Variants in EPC2 observed in about 807,000 individuals in gnomAD.
The protein encoded by EPC2 is enhancer of polycomb homolog 2.
In EPC2, 14 loss-of-function variants were observed where a neutral mutation model predicts 92.1. The ratio of observed to expected loss-of-function variants is 0.15; its 90% CI spans 0.10 to 0.24. The LOEUF (loss-of-function observed/expected upper bound fraction) is 0.24, where lower values mean the gene tolerates loss of function less well. Ranked by LOEUF, EPC2 falls within the 10% of genes least tolerant of loss-of-function variation. The pLI, the probability that EPC2 is intolerant of heterozygous loss-of-function variation, is 1.00. For missense variants in EPC2, 755 were observed against 971.5 expected, an observed-to-expected ratio of 0.78 and a Z score of 2.96; for synonymous variants, 340 against 334.7, an observed-to-expected ratio of 1.02 and a Z score of -0.17.
intron 7 of EPC2, among the ~76,000 whole-genome samples, chr2:148,766,552 T>G (rs13014589): frequency 0.18 from 27,783 of 152,146 alleles, 3,272 homozygotes; most frequent in East Asian, 0.49. Context: ...CAGATGACCA[T>G]TTTGAAGGAA....
chr2:148,785,068 T>C (rs1315586629), intron 13 of EPC2, 67 bp downstream of exon 13: 16 of 1,321,908 alleles, frequency 1.2e-5, no homozygotes, highest in Non-Finnish European at 1.6e-5. Flanking sequence ...GAAAAAGACT[T>C]TTTTTTACAC....
At chr2:148,714,244 G>A (rs539666546) in intron 2 of EPC2, among the ~76,000 whole-genome samples, 5 of 152,054 alleles carry the variant, frequency 3.3e-5, no homozygotes, top group East Asian at 1.9e-4. Flanking sequence ...GCATGATCTC[G>A]TTCCTTTTTT....
At chr2:148,681,702 G>A (rs1489448432) in intron 1 of EPC2, among the ~76,000 whole-genome samples, 2 of 149,742 alleles carry the variant, frequency 1.3e-5, no homozygotes, top group Non-Finnish European at 2.9e-5. Context: ...GGTTAGGTTT[G>A]TTTGTTTGTT....
chr2:148,705,809 A>T (rs1396005279), intron 2 of EPC2, among the ~76,000 whole-genome samples: 1 of 152,202 alleles, frequency 6.6e-6, no homozygotes, highest in African/African-American at 2.4e-5. Flanking sequence ...ATCAACATCA[A>T]CCAAAAGGAC....
intron 10 of EPC2, among the ~76,000 whole-genome samples, chr2:148,776,343 A>G (rs1172525768): frequency 2.6e-5 from 4 of 152,176 alleles, no homozygotes; most frequent in Non-Finnish European, 5.9e-5. Context: ...TCAATTGTAA[A>G]TATTTGGCTT....
intron 2 of EPC2, among the ~76,000 whole-genome samples, chr2:148,738,544 T>C (rs998964826): frequency 3.9e-5 from 6 of 152,348 alleles, no homozygotes; most frequent in African/African-American, 1.4e-4. Flanking sequence ...AGGGTACTTA[T>C]GCTATATGTG....
intron 1 of EPC2, among the ~76,000 whole-genome samples, chr2:148,652,031 T>C (rs1680697367): frequency 6.6e-6 from 1 of 152,206 alleles, no homozygotes; most frequent in East Asian, 1.9e-4. Context: ...TAAGGTCCTT[T>C]ATAGCTTTAC....
intron 3 of EPC2, among the ~76,000 whole-genome samples, chr2:148,752,484 T>C (rs546770849): frequency 1.2e-4 from 18 of 152,296 alleles, no homozygotes; most frequent in Non-Finnish European, 1.6e-4. Context: ...CTGGTTCTTA[T>C]GGTGTGGTCT....
intron 1 of EPC2, among the ~76,000 whole-genome samples, chr2:148,689,172 T>C (rs1681591099): frequency 6.6e-6 from 1 of 151,900 alleles, no homozygotes; most frequent in Admixed American, 6.6e-5. Context: ...TTGTAGGTCA[T>C]TGAGTGAAAT....
chr2:148,762,762 A>T lies in EPC2; in HGVS notation c.908A>T (p.His303Leu). Residue 303 changes from histidine to leucine, a missense_variant, in exon 6 of 14, where the codon CAT becomes CTT. Transcript: ENST00000258484. ...TTATATGCCACTCCAGCAACTCTTCATAATGGAAATCATCACAAAGTTCAA... is the reference window on the plus strand; with the variant it reads ...TTATATGCCACTCCAGCAACTCTTCTTAATGGAAATCATCACAAAGTTCAA... ...KELYATPATLHNGNHHKVQEC... is the reference protein window; with the variant it reads ...KELYATPATLLNGNHHKVQEC... 6.2e-7 allele frequency: 1 copy of T among 1,610,084 alleles called. No homozygotes were observed. Among genetic ancestry groups the T allele is most frequent in the East Asian group, 2.2e-5 (1 of 44,690 alleles).
chr2:148,661,575 G>C (rs1680935332), intron 1 of EPC2, among the ~76,000 whole-genome samples: 1 of 151,998 alleles, frequency 6.6e-6, no homozygotes, highest in Admixed American at 6.6e-5. Flanking sequence ...GGGCATTTTT[G>C]TTTTGTTTCT....
rs1424248823 is a variant in EPC2 at position 148,765,001 on chromosome 2, G to A, written c.995G>A (p.Arg332His). Residue 332 changes from arginine (R) to histidine (H), a missense_variant, in exon 7 of 14, where the codon CGT (arginine) becomes CAT (histidine). By Grantham distance (29) the Arg-to-His change is conservative. Transcript: ENST00000258484. The stretch of plus-strand genomic sequence containing the variant: ...AAAGAAGAGGCTTCTGATGTGGTTC[G>A]TCAAAAGAAGAAGTACCCAAAGAAG... ...SLKEEASDVVRQKKKYPKKPK... is the reference protein window; with the variant it reads ...SLKEEASDVVHQKKKYPKKPK... The A allele has an allele frequency of 9.4e-6, 15 of 1,601,872 alleles. No individual in the cohort carries two copies. Among genetic ancestry groups the A allele is most frequent in the South Asian group, 2.3e-5 (2 of 88,620 alleles).
chr2:148,673,502 A>G (rs1681196537), intron 1 of EPC2, among the ~76,000 whole-genome samples: 2 of 152,220 alleles, frequency 1.3e-5, no homozygotes, highest in Non-Finnish European at 2.9e-5. Context: ...AAGTTATCAT[A>G]TTCTTCAACT....
rs1219836746 is a variant in EPC2 at position 148,772,824 on chromosome 2, T to C, written c.1720+1437T>C. Among the ~76,000 whole-genome samples the C allele has an allele frequency of 2.0e-5, 3 of 152,158 alleles. No homozygotes were observed. The East Asian group carries it at 5.8e-4, about 29-fold the overall frequency. On this transcript the variant is annotated intron_variant, in intron 10 of 13. Transcript: ENST00000258484. ...GAAAGTTGACAAATATTAAATCAAATCTTTTTTCAGCCAGCTCTAAGACAA... is the reference window on the plus strand; with the variant it reads ...GAAAGTTGACAAATATTAAATCAAACCTTTTTTCAGCCAGCTCTAAGACAA...
chr2:148,704,524 A>C (rs1399662274), intron 2 of EPC2, among the ~76,000 whole-genome samples: 1 of 152,202 alleles, frequency 6.6e-6, no homozygotes, highest in Non-Finnish European at 1.5e-5. Flanking sequence ...TGCTATATGT[A>C]TTTCAACACA....
At chr2:148,685,100 C>T (rs1406341428) in intron 1 of EPC2, among the ~76,000 whole-genome samples, 1 of 151,904 alleles carries the variant, frequency 6.6e-6, no homozygotes, top group Non-Finnish European at 1.5e-5. Context: ...TGTTAATTTG[C>T]AGGAGTTTCT....
intron 1 of EPC2, among the ~76,000 whole-genome samples, chr2:148,657,738 T>C (rs1011027481): frequency 4.6e-5 from 7 of 152,164 alleles, no homozygotes; most frequent in African/African-American, 1.7e-4. Flanking sequence ...TCAGTAGAAT[T>C]GATTTGTCTA....
Position 148,743,706 on chromosome 2 carries a change from A to C in EPC2, c.398A>C (p.Glu133Ala). The change falls in exon 3 of 14, where the codon GAA (glutamate) becomes GCA (alanine). Residue 133 changes from glutamate (E) to alanine (A), a missense_variant. Transcript: ENST00000258484. ...TLLNRLNRKM[E>A]IKPLQFEIMI... Reference sequence around the variant, plus strand: ...TTAAATAGACTTAACAGAAAGATGGAAATTAAGCCTTTGCAATTTGAAATT... The same window carrying C: ...TTAAATAGACTTAACAGAAAGATGGCAATTAAGCCTTTGCAATTTGAAATT... 6.2e-7 allele frequency: 1 copy of C among 1,606,908 alleles called. No individual in the cohort carries two copies. The highest frequency in any genetic ancestry group is 8.5e-7 in the Non-Finnish European group (1 of 1,176,904).
rs562630547 is a variant in EPC2, at chr2:148,693,901, C to G, written c.313+3528C>G. On this transcript the variant is annotated intron_variant, in intron 2 of 13. Coordinates refer to ENST00000258484, the MANE Select transcript of EPC2 (RefSeq NM_015630.4). ...TGCCCCACCCCTCCTGTGTCCAGTG[C>G]GTACTTTCGTTGTGGCACTGACCAC... 8.5e-5 allele frequency among the ~76,000 whole-genome samples: 13 copies of G among 152,254 alleles called. 1 individual carries two copies. The South Asian group carries it at 2.7e-3, about 32-fold the overall frequency.
Sources: gnomAD v4.1 joint callset for allele counts (sites outside exome capture counted in the v4.1 genomes callset) on GRCh38, gnomAD v4.1.1 for gene constraint, MANE v1.5 for transcripts, NCBI Gene and HGNC (gene_info 2026-07-23, HGNC 2026-07-21) for gene names.